The following MLLT3 variants were observed in gnomAD, a reference collection of about 807,000 sequenced individuals.
MLLT3 encodes the protein protein AF-9.
Under a neutral mutation model 53.2 loss-of-function variants are expected in MLLT3, and 4 were observed. That is an observed-to-expected ratio of 0.08 (90% CI 0.04 to 0.17). The LOEUF (loss-of-function observed/expected upper bound fraction) is 0.17. MLLT3 is among the 10% of genes least tolerant of loss of function. The pLI, the probability that MLLT3 is intolerant of heterozygous loss-of-function variation, is 1.00. For missense variants in MLLT3, 569 were observed against 684.0 expected (o/e 0.83, Z 1.87); for synonymous variants, 283 against 230.6 (o/e 1.23, Z -2.06).
In MLLT3 at chr9:20,351,731, C is replaced by T. The variant is rs138267960; in HGVS notation, c.1575+1794G>A. 2.1e-3 allele frequency among the ~76,000 whole-genome samples: 317 copies of T among 152,310 alleles called. 2 individuals carry two copies. The highest frequency in any genetic ancestry group is 7.2e-3 in the African/African-American group (299 of 41,554). On this transcript the variant is annotated intron_variant, in intron 10 of 10. Coordinates refer to ENST00000380338, the MANE Select transcript of MLLT3 (RefSeq NM_004529.4). ...TCTGCTTCAGGTGTTCAAGTCTGCA[C>T]GGCAGAGAATACGTAGACTTTGTGG...
chr9:20,611,272 C>G (rs1820696112), intron 2 of MLLT3, among the ~76,000 whole-genome samples: 1 of 152,068 alleles, frequency 6.6e-6, no homozygotes, highest in African/African-American at 2.4e-5. Flanking sequence ...AAAAACCTAT[C>G]TGCAAAAATG....
At chr9:20,554,574 C>A (rs1158406074) in intron 2 of MLLT3, among the ~76,000 whole-genome samples, 1 of 152,272 alleles carries the variant, frequency 6.6e-6, no homozygotes, top group East Asian at 1.9e-4. Context: ...ACAAAACTCT[C>A]AATAAAACAA....
At chr9:20,568,922 T>G (rs1819454041) in intron 2 of MLLT3, among the ~76,000 whole-genome samples, 1 of 152,008 alleles carries the variant, frequency 6.6e-6, no homozygotes, top group Non-Finnish European at 1.5e-5. Context: ...TTCCAAGAAT[T>G]TAAGAATCAC....
chr9:20,426,670 G>A (rs1563961470), intron 4 of MLLT3, among the ~76,000 whole-genome samples: 3 of 152,046 alleles, frequency 2.0e-5, no homozygotes, highest in Non-Finnish European at 2.9e-5. Context: ...CTATGGCTTT[G>A]CAGAAAACAA....
intron 5 of MLLT3, among the ~76,000 whole-genome samples, chr9:20,368,612 C>A (rs1821516571): frequency 6.6e-6 from 1 of 152,178 alleles, no homozygotes; most frequent in Admixed American, 6.5e-5. Context: ...AATCTCAGAA[C>A]CAAACCAGGA....
At chr9:20,535,582 A>C (rs889260125) in intron 2 of MLLT3, among the ~76,000 whole-genome samples, 7 of 152,176 alleles carry the variant, frequency 4.6e-5, no homozygotes, top group Admixed American at 4.6e-4. Flanking sequence ...AATGAGAGAC[A>C]AAAAAATAGT....
chr9:20,616,198 T>C (rs376046594), intron 2 of MLLT3, among the ~76,000 whole-genome samples: 2 of 152,238 alleles, frequency 1.3e-5, no homozygotes, highest in East Asian at 3.9e-4. Flanking sequence ...ATCATTTCCA[T>C]AATGCAAATG....
At chr9:20,392,631 T>C (rs1248081810) in intron 5 of MLLT3, among the ~76,000 whole-genome samples, 2 of 152,224 alleles carry the variant, frequency 1.3e-5, no homozygotes, top group Admixed American at 6.5e-5. Context: ...TTTTTTCTTA[T>C]AATTCTGGGG....
At chr9:20,366,979 A>T (rs1821470259) in intron 5 of MLLT3, among the ~76,000 whole-genome samples, 1 of 152,210 alleles carries the variant, frequency 6.6e-6, no homozygotes, top group Non-Finnish European at 1.5e-5. Flanking sequence ...AGTTAATTTA[A>T]CTGTGGCCCA....
At chr9:20,582,575 C>A (rs1819822661) in intron 2 of MLLT3, among the ~76,000 whole-genome samples, 1 of 152,114 alleles carries the variant, frequency 6.6e-6, no homozygotes, top group African/African-American at 2.4e-5. Flanking sequence ...TAAAGACATA[C>A]CCATTTCATG....
intron 2 of MLLT3, among the ~76,000 whole-genome samples, chr9:20,522,673 CA>C (rs1052158446): frequency 9.9e-4 from 115 of 116,682 alleles, no homozygotes; most frequent in African/African-American, 3.6e-3. Flanking sequence ...AGAATAAAAA[CA>C]GTTGTTTTTT....
At chr9:20,547,622 C>A (rs1037874434) in intron 2 of MLLT3, among the ~76,000 whole-genome samples, 43 of 123,862 alleles carry the variant, frequency 3.5e-4, no homozygotes, top group Admixed American at 2.2e-3. Context: ...CCAGCCTGGA[C>A]AACAAGAGTG....
intron 2 of MLLT3, among the ~76,000 whole-genome samples, chr9:20,518,329 G>C (rs1467798649): frequency 1.3e-5 from 2 of 152,098 alleles, no homozygotes; most frequent in Admixed American, 6.6e-5. Flanking sequence ...CTGGGCAAGA[G>C]AGCAAAAACT....
intron 2 of MLLT3, among the ~76,000 whole-genome samples, chr9:20,492,869 C>T (rs2118925028): frequency 6.6e-6 from 1 of 152,040 alleles, no homozygotes; most frequent in East Asian, 1.9e-4. Context: ...AATGCCATAA[C>T]ACTCTCCAGC....
intron 2 of MLLT3, among the ~76,000 whole-genome samples, chr9:20,458,171 C>T (rs1001251904): frequency 7.2e-5 from 11 of 152,168 alleles, no homozygotes; most frequent in Admixed American, 3.3e-4. Flanking sequence ...AAAGCATTAC[C>T]ATCTCTTTTC....
rs1587141636 is a variant in MLLT3, at chr9:20,621,793, T to C, written c.12+452A>G. ...CGCACCATCGTAGCGGCCGCGGCGC[T>C]TTGCGGAGGTGCGGCCGCCGAGGCT... is the stretch of plus-strand genomic sequence containing the variant. On this transcript the variant is annotated intron_variant, in intron 1 of 10. Transcript: ENST00000380338. The surrounding 1 kb of genome is among the most constrained non-coding windows in gnomAD (Gnocchi z 7.0). The C allele has an allele frequency of 1.4e-6, 2 of 1,462,218 alleles. No homozygotes were observed. Among genetic ancestry groups the C allele is most frequent in the Non-Finnish European group, 1.8e-6 (2 of 1,117,078 alleles). 90.6% of individuals were successfully genotyped at this position (1,462,218 alleles called of 1,614,324 possible).
chr9:20,437,458 T>C (rs927494204), intron 4 of MLLT3, among the ~76,000 whole-genome samples: 5 of 151,950 alleles, frequency 3.3e-5, no homozygotes, highest in African/African-American at 4.8e-5. Context: ...AGATTTCAGA[T>C]AAAATGATCC....
intron 2 of MLLT3, among the ~76,000 whole-genome samples, chr9:20,516,494 T>C (rs980544638): frequency 1.3e-5 from 2 of 152,224 alleles, no homozygotes; most frequent in Admixed American, 1.3e-4. Context: ...TTTCTATGTC[T>C]CAGGAATGCT....
At chr9:20,479,689 C>A (rs2118902945) in intron 2 of MLLT3, among the ~76,000 whole-genome samples, 1 of 152,260 alleles carries the variant, frequency 6.6e-6, no homozygotes, top group African/African-American at 2.4e-5. Context: ...TCTGTCCTAG[C>A]TTTCCTTCCT....
Sources: gnomAD v4.1 joint callset for allele counts (sites outside exome capture counted in the v4.1 genomes callset) on GRCh38, gnomAD v4.1.1 for gene constraint, Gnocchi (gnomAD v3.1) non-coding constraint, MANE v1.5 for transcripts, NCBI Gene and HGNC (gene_info 2026-07-23, HGNC 2026-07-21) for gene names.